Variants in PXN observed in about 807,000 individuals in gnomAD.
PXN encodes the protein testicular tissue protein Li 134.
Under a neutral mutation model 103.6 loss-of-function variants are expected in PXN, and 61 were observed. That is an observed-to-expected ratio of 0.59 (90% CI 0.48 to 0.73). The LOEUF (loss-of-function observed/expected upper bound fraction) is 0.73. Ranked by LOEUF, PXN falls within the 30% of genes least tolerant of loss-of-function variation. The probability of loss-of-function intolerance (pLI) is 0.00; values close to 1 mark genes in which losing one functional copy is unlikely to be tolerated. For missense variants in PXN, 1,274 were observed against 1,460.3 expected (o/e 0.87, Z 2.08); for synonymous variants, 562 against 607.8 (o/e 0.92, Z 1.11).
Position 120,212,216 on chromosome 12 carries a change from G to A in PXN, c.*98C>T. On this transcript the variant is annotated 3_prime_UTR_variant, in exon 15 of 15. Transcript: ENST00000637617. This position sits in a 1 kb window ranked among gnomAD's most constrained non-coding sequence, Gnocchi z 7.2. Reference sequence around the variant, plus strand: ...GCGGAGGACAAGGGTTCCAGTTTCAGTCGGGTTTACCCCTTCACCCCCGGG... The same window carrying A: ...GCGGAGGACAAGGGTTCCAGTTTCAATCGGGTTTACCCCTTCACCCCCGGG... The A allele has an allele frequency of 6.7e-7, 1 of 1,486,770 alleles. No individual in the cohort carries two copies. Among genetic ancestry groups the A allele is most frequent in the African/African-American group, 1.4e-5 (1 of 72,518 alleles). The allele number at this position is 1,486,770 out of a possible 1,614,324, so 92.1% of individuals were successfully genotyped here. A position where few individuals can be genotyped will look rare whatever the true frequency, so the allele number is the denominator to read the frequency against.
rs1886662507 is a variant in PXN at position 120,225,589 on chromosome 12, T to C, written c.14-1212A>G. 6.6e-6 allele frequency among the ~76,000 whole-genome samples: 1 copy of C among 152,014 alleles called. No individual in the cohort carries two copies. Among genetic ancestry groups the C allele is most frequent in the African/African-American group, 2.4e-5 (1 of 41,358 alleles). ...AGAGGCAGAGGTCAGAGGTGTTTGCTCCAAATAACAAAGCCAGTGAGTGGC... is the reference window on the plus strand; with the variant it reads ...AGAGGCAGAGGTCAGAGGTGTTTGCCCCAAATAACAAAGCCAGTGAGTGGC... On this transcript the variant is annotated intron_variant, in intron 1 of 14. Coordinates refer to ENST00000637617, the MANE Select transcript of PXN (RefSeq NM_001385981.1). This position sits in a 1 kb window ranked among gnomAD's most constrained non-coding sequence, Gnocchi z 4.4.
chr12:120,218,537 C>T (rs1407729126), intron 7 of PXN, among the ~76,000 whole-genome samples: 1 of 152,170 alleles, frequency 6.6e-6, no homozygotes, highest in Admixed American at 6.5e-5. Flanking sequence ...CCATGCCCAG[C>T]TAATCTTTTT....
At position 120,235,335 on chromosome 12, in the gene PXN, G is replaced by C. The variant is rs188137952; in HGVS notation, c.14-10958C>G. Among the ~76,000 whole-genome samples, 825 of 152,256 alleles carry C rather than the reference G, an allele frequency of 5.4e-3. 2 individuals are homozygous for C. The highest frequency in any genetic ancestry group is 0.014 in the Middle Eastern group (4 of 294). Reference sequence around the variant, plus strand: ...GCGAGGCTAGAAAGCAGCTCAGGAGGGGGTGAGGAGTGGAACAACCCTTCC... The same window carrying C: ...GCGAGGCTAGAAAGCAGCTCAGGAGCGGGTGAGGAGTGGAACAACCCTTCC... On this transcript the variant is annotated intron_variant, in intron 1 of 14. Transcript: ENST00000637617.
chr12:120,240,438 T>C (rs990613263), intron 1 of PXN, among the ~76,000 whole-genome samples: 10 of 152,176 alleles, frequency 6.6e-5, no homozygotes, highest in African/African-American at 2.2e-4. Context: ...CAGAGTCACC[T>C]GTTAAGACAC....
chr12:120,239,858 T>C (rs1889842006), intron 1 of PXN, among the ~76,000 whole-genome samples: 1 of 151,822 alleles, frequency 6.6e-6, no homozygotes, highest in African/African-American at 2.4e-5. Context: ...CCAGGAACAG[T>C]CAGAAGAGCT....
At position 120,228,823 on chromosome 12, in the gene PXN, T is replaced by C. The variant is rs1303799321; in HGVS notation, c.14-4446A>G. Among the ~76,000 whole-genome samples the C allele has an allele frequency of 6.6e-6, 1 of 152,202 alleles. No homozygotes were observed. The highest frequency in any genetic ancestry group is 1.5e-5 in the Non-Finnish European group (1 of 68,032). ...CGTGTGCGCCCCTATCTGCACCCCATGGCTGCACCTGGTCGGAGCAACAGC... is the reference window on the plus strand; with the variant it reads ...CGTGTGCGCCCCTATCTGCACCCCACGGCTGCACCTGGTCGGAGCAACAGC... On this transcript the variant is annotated intron_variant, in intron 1 of 14. Coordinates refer to ENST00000637617, the MANE Select transcript of PXN (RefSeq NM_001385981.1). This position sits in a 1 kb window ranked among gnomAD's most constrained non-coding sequence, Gnocchi z 4.7.
In PXN at chr12:120,265,638, C is replaced by G; in HGVS notation, c.-9G>C. On this transcript the variant is annotated 5_prime_UTR_variant, in exon 1 of 15. Coordinates refer to ENST00000637617, the MANE Select transcript of PXN (RefSeq NM_001385981.1). This position sits in a 1 kb window ranked among gnomAD's most constrained non-coding sequence, Gnocchi z 5.7. ...TCACCGAGGTCGTCCATGGCCGGACCACGGGCGCCGGCTCAGGGTCGCGCT... is the reference window on the plus strand; with the variant it reads ...TCACCGAGGTCGTCCATGGCCGGACGACGGGCGCCGGCTCAGGGTCGCGCT... 6.8e-7 allele frequency: 1 copy of G among 1,476,714 alleles called. No homozygotes were observed. Among genetic ancestry groups the G allele is most frequent in the Non-Finnish European group, 8.9e-7 (1 of 1,119,146 alleles). The allele number at this position is 1,476,714 out of a possible 1,614,324, so 91.5% of individuals were successfully genotyped here.
Position 120,219,116 on chromosome 12 carries a change from A to G in PXN, c.1716+91T>C. 1.5e-6 allele frequency: 2 copies of G among 1,306,948 alleles called. No homozygotes were observed. Among genetic ancestry groups the G allele is most frequent in the Non-Finnish European group, 2.0e-6 (2 of 981,710 alleles). 81.0% of individuals were successfully genotyped at this position (1,306,948 alleles called of 1,614,324 possible). On this transcript the variant is annotated intron_variant, in intron 7 of 14. Coordinates refer to ENST00000637617, the MANE Select transcript of PXN (RefSeq NM_001385981.1). This position sits in a 1 kb window ranked among gnomAD's most constrained non-coding sequence, Gnocchi z 6.5. ...ATTTTCTGCCCAAGCAGACATGCGC[A>G]GAGTGGGAGGCTGCATGCAGTTAGC...
Position 120,229,090 on chromosome 12 carries a change from C to G in PXN, c.14-4713G>C, listed in dbSNP as rs1422259220. Among the ~76,000 whole-genome samples, 2 of 152,172 alleles carry G rather than the reference C, an allele frequency of 1.3e-5. No homozygotes were observed. Among genetic ancestry groups the G allele is most frequent in the Non-Finnish European group, 2.9e-5 (2 of 68,018 alleles). On this transcript the variant is annotated intron_variant, in intron 1 of 14. Coordinates refer to ENST00000637617, the MANE Select transcript of PXN (RefSeq NM_001385981.1). The surrounding 1 kb of genome is among the most constrained non-coding windows in gnomAD (Gnocchi z 4.0). ...TCCAGGGCAAGTGCTGCAGCTGCAT[C>G]CCTCACATTCCTGTACCCACCTAGG...
intron 1 of PXN, among the ~76,000 whole-genome samples, chr12:120,263,961 C>G (rs1151837): frequency 0.28 from 42,750 of 151,886 alleles, 8,955 homozygotes; most frequent in African/African-American, 0.57. Context: ...GGAAAGCACT[C>G]AGACTCTTAG....
In PXN at chr12:120,212,913, G is replaced by T; in HGVS notation, c.2980-333C>A. On this transcript the variant is annotated intron_variant, in intron 14 of 14. Coordinates refer to ENST00000637617, the MANE Select transcript of PXN (RefSeq NM_001385981.1). The surrounding 1 kb of genome is among the most constrained non-coding windows in gnomAD (Gnocchi z 7.2). Reference sequence around the variant, plus strand: ...CACACAGGTGAAGTAACTTGCCCAGGGTCATGCAGCTACTGAGGTCACAGC... The same window carrying T: ...CACACAGGTGAAGTAACTTGCCCAGTGTCATGCAGCTACTGAGGTCACAGC... 1 of 228,334 alleles carries T rather than the reference G, an allele frequency of 4.4e-6. No individual in the cohort carries two copies. 14.1% of individuals were successfully genotyped at this position (228,334 alleles called of 1,614,324 possible).
chr12:120,217,205 G>C lies in PXN; in HGVS notation c.1717-89C>G. The C allele has an allele frequency of 2.7e-6, 3 of 1,118,162 alleles. No homozygotes were observed. Among genetic ancestry groups the C allele is most frequent in the South Asian group, 1.4e-5 (1 of 72,914 alleles). 69.3% of individuals were successfully genotyped at this position (1,118,162 alleles called of 1,614,324 possible). On this transcript the variant is annotated intron_variant, in intron 7 of 14. Coordinates refer to ENST00000637617, the MANE Select transcript of PXN (RefSeq NM_001385981.1). The surrounding 1 kb of genome is among the most constrained non-coding windows in gnomAD (Gnocchi z 4.1). Reference sequence around the variant, plus strand: ...CCACACTCAGATGCCTCAGGAGAGGGAGCACAAAAGAAAACCACCAAAGAA... The same window carrying C: ...CCACACTCAGATGCCTCAGGAGAGGCAGCACAAAAGAAAACCACCAAAGAA...
Position 120,221,889 on chromosome 12 carries a change from G to T in PXN, c.696-131C>A. On this transcript the variant is annotated intron_variant, in intron 5 of 14. Transcript: ENST00000637617. The surrounding 1 kb of genome is among the most constrained non-coding windows in gnomAD (Gnocchi z 6.6). ...CCCCAGGGAGGTCCACCAGCTCCCT[G>T]TCTCTCCTGGGGACCCATCACTGGG... 7.4e-7 allele frequency: 1 copy of T among 1,345,284 alleles called. No homozygotes were observed. The highest frequency in any genetic ancestry group is 9.9e-7 in the Non-Finnish European group (1 of 1,009,254). The allele number at this position is 1,345,284 out of a possible 1,614,324, so 83.3% of individuals were successfully genotyped here.
Position 120,215,092 on chromosome 12 carries a change from C to G in PXN, c.2574+11G>C, listed in dbSNP as rs374624484. 32 of 1,584,164 alleles carry G rather than the reference C, an allele frequency of 2.0e-5. No individual in the cohort carries two copies. In the Middle Eastern group the frequency reaches 5.1e-4, roughly 25 times the overall value. On this transcript the variant is annotated intron_variant, in intron 11 of 14. Coordinates refer to ENST00000637617, the MANE Select transcript of PXN (RefSeq NM_001385981.1). The surrounding 1 kb of genome is among the most constrained non-coding windows in gnomAD (Gnocchi z 4.9). ...CCACTGGCCACACCCCTGCCCACTC[C>G]CCCTCATCACCTGCCCGGCGATGGG...
Position 120,214,319 on chromosome 12 carries a change from CAG to C in PXN, c.2749-104_2749-103del. 1.0e-6 allele frequency: 1 copy of C among 958,342 alleles called. No individual in the cohort carries two copies. The highest frequency in any genetic ancestry group is 2.2e-4 in the Middle Eastern group (1 of 4,640). 59.4% of individuals were successfully genotyped at this position (958,342 alleles called of 1,614,324 possible). A position where few individuals can be genotyped will look rare whatever the true frequency, so the allele number is the denominator to read the frequency against. The stretch of plus-strand genomic sequence containing the variant: ...TCCACCCGCAGCTCATAGCCATAGA[CAG>C]AGCAAAACACTCCCAAGATGGGGGT... On this transcript the variant is annotated intron_variant, in intron 12 of 14. Coordinates refer to ENST00000637617, the MANE Select transcript of PXN (RefSeq NM_001385981.1). This position sits in a 1 kb window ranked among gnomAD's most constrained non-coding sequence, Gnocchi z 5.0.
rs376479333 is a variant in PXN, at chr12:120,228,014, C to T, written c.14-3637G>A. Among the ~76,000 whole-genome samples the T allele has an allele frequency of 3.1e-4, 47 of 152,334 alleles. No homozygotes were observed. Among genetic ancestry groups the T allele is most frequent in the African/African-American group, 1.1e-3 (45 of 41,584 alleles). ...TCCGGCTCCAGCCTTTCCCTCTGCT[C>T]TAAATATTCCTGCTCCTCATACCCC... On this transcript the variant is annotated intron_variant, in intron 1 of 14. Coordinates refer to ENST00000637617, the MANE Select transcript of PXN (RefSeq NM_001385981.1). This position sits in a 1 kb window ranked among gnomAD's most constrained non-coding sequence, Gnocchi z 4.7.
At chr12:120,227,111 G>C in intron 1 of PXN, 1 of 986,648 alleles carries the variant, frequency 1.0e-6, no homozygotes, top group Non-Finnish European at 1.2e-6. Flanking sequence ...ACCATGAAAA[G>C]GGCAACCTTG....
chr12:120,212,263 G>A lies in PXN; in HGVS notation c.*51C>T, dbSNP rs920726681. On this transcript the variant is annotated 3_prime_UTR_variant, in exon 15 of 15. Transcript: ENST00000637617. The surrounding 1 kb of genome is among the most constrained non-coding windows in gnomAD (Gnocchi z 7.2). ...CGGGTGAAGTCTCTAGGTCACAGTC[G>A]CAGTTGGGGATGCTGGCTGGGGAAG... 1.2e-5 allele frequency: 19 copies of A among 1,587,010 alleles called. No homozygotes were observed. The highest frequency in any genetic ancestry group is 4.5e-5 in the East Asian group (2 of 44,584).
rs1885442539 is a variant in PXN, at chr12:120,222,403, T to C, written c.695+146A>G. 1.1e-6 allele frequency: 1 copy of C among 927,932 alleles called. No homozygotes were observed. The highest frequency in any genetic ancestry group is 1.6e-6 in the Non-Finnish European group (1 of 632,916). 57.5% of individuals were successfully genotyped at this position (927,932 alleles called of 1,614,324 possible). On this transcript the variant is annotated intron_variant, in intron 5 of 14. Transcript: ENST00000637617. This position sits in a 1 kb window ranked among gnomAD's most constrained non-coding sequence, Gnocchi z 4.7. ...TGGCTGAAGGCAGGGATGGTGTCCATGTGACTCACCACTATCCCCCCAGTG... is the reference window on the plus strand; with the variant it reads ...TGGCTGAAGGCAGGGATGGTGTCCACGTGACTCACCACTATCCCCCCAGTG...
Sources: gnomAD v4.1 joint callset for allele counts (sites outside exome capture counted in the v4.1 genomes callset) on GRCh38, gnomAD v4.1.1 for gene constraint, Gnocchi (gnomAD v3.1) non-coding constraint, MANE v1.5 for transcripts, NCBI Gene and HGNC (gene_info 2026-07-23, HGNC 2026-07-21) for gene names.